The following ASXL1 variants were observed in gnomAD, a reference collection of about 807,000 sequenced individuals.
The protein encoded by ASXL1 is polycomb group protein ASXL1.
A neutral mutation model predicts 89.1 loss-of-function variants in ASXL1; 65 were observed. That is an observed-to-expected ratio of 0.73 (90% CI 0.60 to 0.90). ASXL1 has a LOEUF of 0.90. Among genes scored for constraint, ASXL1 ranks in the 40% least tolerant of loss-of-function variants. ASXL1 has a pLI of 0.00. For missense variants in ASXL1, 1,786 were observed against 1,942.9 expected, an observed-to-expected ratio of 0.92 and a Z score of 1.52; for synonymous variants, 739 against 746.9, an observed-to-expected ratio of 0.99 and a Z score of 0.17.
chr20:32,405,095 A>G (rs2048934075), intron 4 of ASXL1, among the ~76,000 whole-genome samples: 1 of 151,914 alleles, frequency 6.6e-6, no homozygotes, highest in Admixed American at 6.6e-5. Context: ...TTTTTTCCTG[A>G]CCCATTTTAG....
intron 4 of ASXL1, among the ~76,000 whole-genome samples, chr20:32,386,149 T>G (rs1401960368): frequency 1.3e-5 from 2 of 152,220 alleles, no homozygotes; most frequent in Non-Finnish European, 2.9e-5. Context: ...TATTATTTTG[T>G]TCTTGTTTAT....
At chr20:32,431,258 T>C in intron 8 of ASXL1, 63 bp from the exon 9 acceptor site, 1 of 1,608,604 alleles carries the variant, frequency 6.2e-7, no homozygotes, top group South Asian at 1.1e-5. Context: ...AGTTTTCCCA[T>C]CAGTTGGCAT....
At chr20:32,385,100 G>C (rs895270097) in intron 4 of ASXL1, among the ~76,000 whole-genome samples, 1 of 152,164 alleles carries the variant, frequency 6.6e-6, no homozygotes, top group Non-Finnish European at 1.5e-5. Context: ...TTCTAGCTTA[G>C]CTAAATCTGG....
At position 32,435,097 on chromosome 20, in the gene ASXL1, C is replaced by T; in HGVS notation, c.2385C>T (p.Ser795=). The T allele has an allele frequency of 6.2e-7, 1 of 1,613,940 alleles. No homozygotes were observed. Among genetic ancestry groups the T allele is most frequent in the South Asian group, 1.1e-5 (1 of 91,080 alleles). ...VRTECESGTT[S]WESDDEEQGP... ...CTGAATGTGAGTCTGGCACCACTTC[C>T]TGGGAAAGTGATGATGAGGAGCAAG... The change falls in exon 13 of 13, where the codon TCC becomes TCT. Residue 795 remains serine, a synonymous_variant. Transcript: ENST00000375687.
chr20:32,436,165 T>C lies in ASXL1; in HGVS notation c.3453T>C (p.Ser1151=). The C allele has an allele frequency of 6.2e-7, 1 of 1,614,206 alleles. No homozygotes were observed. Among genetic ancestry groups the C allele is most frequent in the South Asian group, 1.1e-5 (1 of 91,078 alleles). ...DQSHGSLRMG[S]LHGLGKNSGM... The stretch of plus-strand genomic sequence containing the variant: ...GCCATGGCTCGCTACGCATGGGATC[T>C]TTACATGGTCTTGGAAAAAACAGTG... The change falls in exon 13 of 13, where the codon TCT becomes TCC. Residue 1151 remains serine (S), a synonymous_variant. Transcript: ENST00000375687.
At chr20:32,375,311 T>C (rs1347789109) in intron 4 of ASXL1, among the ~76,000 whole-genome samples, 1 of 151,948 alleles carries the variant, frequency 6.6e-6, no homozygotes, top group Non-Finnish European at 1.5e-5. Context: ...TAGCTGGGTG[T>C]GGTGGCGTGC....
At chr20:32,373,758 T>C (rs993992092) in intron 4 of ASXL1, among the ~76,000 whole-genome samples, 5 of 151,592 alleles carry the variant, frequency 3.3e-5, no homozygotes, top group African/African-American at 7.3e-5. Flanking sequence ...TTCCAGGTAC[T>C]TGGGGAGGCT....
At chr20:32,403,717 G>T (rs967246912) in intron 4 of ASXL1, among the ~76,000 whole-genome samples, 4 of 152,168 alleles carry the variant, frequency 2.6e-5, no homozygotes, top group Non-Finnish European at 5.9e-5. Flanking sequence ...AGTCAGCTGT[G>T]TATGAATTTT....
rs113365745 is a variant in ASXL1 at position 32,391,095 on chromosome 20, G to T, written c.252+21972G>T. 9.9e-3 allele frequency among the ~76,000 whole-genome samples: 1,505 copies of T among 151,642 alleles called. 21 individuals carry two copies. Among genetic ancestry groups the T allele is most frequent in the African/African-American group, 0.035 (1,426 of 41,312 alleles). ...GGTAGAGACAGGATCTCACTCTGTT[G>T]CCCAGGCTGATTTCAAACTCCTGGC... is the stretch of plus-strand genomic sequence containing the variant. On this transcript the variant is annotated intron_variant, in intron 4 of 12. Coordinates refer to ENST00000375687, the MANE Select transcript of ASXL1 (RefSeq NM_015338.6).
At chr20:32,359,030 C>A (rs992780549) in intron 1 of ASXL1, 198 bp downstream of exon 1, 1 of 623,706 alleles carries the variant, frequency 1.6e-6, no homozygotes, top group Non-Finnish European at 2.8e-6. Context: ...CGCCTTTTTC[C>A]GCTCGCCCTC....
chr20:32,429,532 G>A lies in ASXL1; in HGVS notation c.565+101G>A. On this transcript the variant is annotated intron_variant, in intron 7 of 12. Coordinates refer to ENST00000375687, the MANE Select transcript of ASXL1 (RefSeq NM_015338.6). The surrounding 1 kb of genome is among the most constrained non-coding windows in gnomAD (Gnocchi z 4.9). ...GACCTAATAGTGCGATACTAGGAGA[G>A]CTGTCGGGCCACAGGCAAGAGCCCT... The A allele has an allele frequency of 8.0e-7, 1 of 1,255,952 alleles. No individual in the cohort carries two copies. Among genetic ancestry groups the A allele is most frequent in the Admixed American group, 1.8e-5 (1 of 54,924 alleles). The allele number at this position is 1,255,952 out of a possible 1,614,324, so 77.8% of individuals were successfully genotyped here. A position where few individuals can be genotyped will look rare whatever the true frequency, so the allele number is the denominator to read the frequency against.
chr20:32,433,731 T>G lies in ASXL1; in HGVS notation c.1533T>G (p.Pro511=). ...SASPDRIPSL[P]QETVDQEPKD... is the part of the protein sequence containing the mutation. Reference sequence around the variant, plus strand: ...CTCCAGACAGAATTCCTAGCCTGCCTCAGGAAACTGTGGATCAGGAACCCA... The same window carrying G: ...CTCCAGACAGAATTCCTAGCCTGCCGCAGGAAACTGTGGATCAGGAACCCA... Residue 511 remains proline, a synonymous_variant, in exon 12 of 13, where the codon CCT becomes CCG. Coordinates refer to ENST00000375687, the MANE Select transcript of ASXL1 (RefSeq NM_015338.6). 6.2e-7 allele frequency: 1 copy of G among 1,613,640 alleles called. No homozygotes were observed. Among genetic ancestry groups the G allele is most frequent in the Non-Finnish European group, 8.5e-7 (1 of 1,179,640 alleles).
intron 4 of ASXL1, among the ~76,000 whole-genome samples, chr20:32,380,214 G>A (rs1414073045): frequency 2.0e-5 from 3 of 152,070 alleles, no homozygotes; most frequent in African/African-American, 4.8e-5. Flanking sequence ...CCCGGGAGGC[G>A]GAGATTGCAA....
chr20:32,379,161 C>CTTGTTTTTTTTTTTTTTT (rs2048440822), intron 4 of ASXL1, among the ~76,000 whole-genome samples: 1 of 61,760 alleles, frequency 1.6e-5, no homozygotes, highest in Non-Finnish European at 2.8e-5. Context: ...TAACTTCAGT[C>CTTGTTTTTTTTTTTTTTT]TTTTTTTTTT....
chr20:32,392,260 G>A lies in ASXL1; in HGVS notation c.252+23137G>A, dbSNP rs533459138. On this transcript the variant is annotated intron_variant, in intron 4 of 12. Transcript: ENST00000375687. ...CTCCCGAGAAGCTGGGATTACAGGC[G>A]TGTGCCACCAAGCCTAGCTGATTTT... Among the ~76,000 whole-genome samples the A allele has an allele frequency of 4.0e-5, 6 of 150,594 alleles. No individual in the cohort carries two copies. The East Asian group carries it at 7.8e-4, about 20-fold the overall frequency.
At chr20:32,398,609 T>TG (rs2048811244) in intron 4 of ASXL1, among the ~76,000 whole-genome samples, 1 of 147,292 alleles carries the variant, frequency 6.8e-6, no homozygotes, top group Admixed American at 6.8e-5. Context: ...GTTTGTTTTT[T>TG]TTTTTGTTTT....
intron 8 of ASXL1, 140 bp downstream of exon 8, chr20:32,430,193 C>G (rs2011475376): frequency 8.5e-7 from 1 of 1,173,412 alleles, no homozygotes; most frequent in Admixed American, 3.0e-5. Context: ...TTTATTTTTA[C>G]TTTGTAATTT....
rs1288093575 is a variant in ASXL1 at position 32,398,800 on chromosome 20, G to A, written c.253-29328G>A. Among the ~76,000 whole-genome samples, 29 of 151,098 alleles carry A rather than the reference G, an allele frequency of 1.9e-4. 1 individual carries two copies. The highest frequency in any genetic ancestry group is 1.8e-3 in the Admixed American group (28 of 15,204). ...CATTTTTTGTATTTTTAGTAGAGAC[G>A]GGGTTTCACCGTTTTAGCTGGGATG... On this transcript the variant is annotated intron_variant, in intron 4 of 12. Coordinates refer to ENST00000375687, the MANE Select transcript of ASXL1 (RefSeq NM_015338.6).
intron 4 of ASXL1, among the ~76,000 whole-genome samples, chr20:32,403,180 C>T (rs1231675560): frequency 1.3e-5 from 2 of 152,126 alleles, no homozygotes; most frequent in Non-Finnish European, 2.9e-5. Flanking sequence ...GCTTTCTCAC[C>T]TCTAGCAAAA....
Sources: allele counts gnomAD v4.1 joint callset (sites outside exome capture counted in the v4.1 genomes callset), GRCh38; gene constraint gnomAD v4.1.1; non-coding constraint Gnocchi (gnomAD v3.1); transcripts MANE v1.5; gene names NCBI Gene and HGNC (gene_info 2026-07-23, HGNC 2026-07-21).